The following KCNH7 variants were observed in gnomAD, a reference collection of about 807,000 sequenced individuals.
The protein encoded by KCNH7 is potassium voltage-gated channel subfamily H member 7.
In KCNH7, 49 loss-of-function variants were observed where a neutral mutation model predicts 120.8. The ratio of observed to expected loss-of-function variants is 0.41; its 90% confidence interval spans 0.32 to 0.51. The LOEUF (loss-of-function observed/expected upper bound fraction) is 0.51. Among genes scored for constraint, KCNH7 ranks in the 20% least tolerant of loss-of-function variants. KCNH7 has a pLI of 0.38. For synonymous variants in KCNH7, 547 were observed against 516.1 expected, an observed-to-expected ratio of 1.06 and a Z score of -0.81; for missense variants, 1,097 against 1,446.6, an observed-to-expected ratio of 0.76 and a Z score of 3.92.
intron 2 of KCNH7, among the ~76,000 whole-genome samples, chr2:162,600,333 T>C (rs1442933007): frequency 6.6e-6 from 1 of 152,086 alleles, no homozygotes; most frequent in Non-Finnish European, 1.5e-5. Flanking sequence ...TGATCACCAA[T>C]AGGTCCAGCA....
At chr2:162,739,741 C>A (rs1196434124) in intron 2 of KCNH7, among the ~76,000 whole-genome samples, 1 of 152,084 alleles carries the variant, frequency 6.6e-6, no homozygotes, top group African/African-American at 2.4e-5. Flanking sequence ...GGTTAGAGTC[C>A]CAGGCCCCAT....
At chr2:162,624,234 C>T (rs1683463577) in intron 2 of KCNH7, among the ~76,000 whole-genome samples, 1 of 152,140 alleles carries the variant, frequency 6.6e-6, no homozygotes, top group African/African-American at 2.4e-5. Flanking sequence ...GTCACAATGC[C>T]TACATCATTC....
chr2:162,496,024 GCTT>G (rs777572945), intron 6 of KCNH7, among the ~76,000 whole-genome samples: 2 of 152,228 alleles, frequency 1.3e-5, no homozygotes, highest in Non-Finnish European at 2.9e-5. Flanking sequence ...AACCCAAATT[GCTT>G]CTTCTTGCTA....
At chr2:162,414,419 G>A (rs1169859368) in intron 9 of KCNH7, among the ~76,000 whole-genome samples, 2 of 151,174 alleles carry the variant, frequency 1.3e-5, no homozygotes, top group Non-Finnish European at 3.0e-5. Flanking sequence ...AGTATAATAT[G>A]TAGTTATATA....
chr2:162,702,006 CAA>C lies in KCNH7; in HGVS notation c.307+134529_307+134530del, dbSNP rs11297562. Among the ~76,000 whole-genome samples, 247 of 135,974 alleles carry C rather than the reference CAA, an allele frequency of 1.8e-3. 2 individuals carry two copies. The highest frequency in any genetic ancestry group is 5.9e-3 in the African/African-American group (232 of 39,134). The allele number at this position is 135,974 out of a possible 152,430, so 89.2% of individuals were successfully genotyped here. A position where few individuals can be genotyped will look rare whatever the true frequency, so the allele number is the denominator to read the frequency against. On this transcript the variant is annotated intron_variant, in intron 2 of 15. Transcript: ENST00000332142. ...TGGGTGACAGAGTGAGACGCCATCT[CAA>C]AAAAAAAAAAGAAAAAAAACTTTCT...
intron 2 of KCNH7, among the ~76,000 whole-genome samples, chr2:162,636,456 T>C (rs1039377834): frequency 1.3e-5 from 2 of 152,122 alleles, no homozygotes; most frequent in African/African-American, 4.8e-5. Flanking sequence ...TCCTAATCCA[T>C]GCAAAATCAG....
At chr2:162,583,496 T>C (rs2105920603) in intron 2 of KCNH7, among the ~76,000 whole-genome samples, 1 of 152,182 alleles carries the variant, frequency 6.6e-6, no homozygotes, top group African/African-American at 2.4e-5. Context: ...TTATTAAGTA[T>C]AATGGTAAAG....
chr2:162,533,185 A>G (rs1340893126), intron 3 of KCNH7, among the ~76,000 whole-genome samples: 2 of 151,844 alleles, frequency 1.3e-5, no homozygotes, highest in African/African-American at 4.8e-5. Context: ...ATACCAAAAA[A>G]ACCCCGAAAC....
At chr2:162,759,648 A>C (rs141327103) in intron 2 of KCNH7, among the ~76,000 whole-genome samples, 6 of 151,828 alleles carry the variant, frequency 4.0e-5, no homozygotes, top group Non-Finnish European at 8.8e-5. Context: ...ATGAAGGAGA[A>C]AGGGAGGGAG....
intron 2 of KCNH7, among the ~76,000 whole-genome samples, chr2:162,827,501 T>C (rs1685329214): frequency 1.4e-5 from 2 of 147,476 alleles, no homozygotes; most frequent in African/African-American, 4.9e-5. Context: ...CTAGCTATCC[T>C]CATTCTACTA....
At chr2:162,663,131 C>CTTACAG (rs771305727) in intron 2 of KCNH7, among the ~76,000 whole-genome samples, 5 of 152,138 alleles carry the variant, frequency 3.3e-5, no homozygotes, top group Non-Finnish European at 7.4e-5. Context: ...GTTGTGTAGC[C>CTTACAG]ATGGGTAATT....
At chr2:162,426,190 G>C (rs1687855637) in intron 8 of KCNH7, among the ~76,000 whole-genome samples, 1 of 149,892 alleles carries the variant, frequency 6.7e-6, no homozygotes, top group Admixed American at 6.6e-5. Flanking sequence ...CTCCAGCCTG[G>C]GTGACAGAGT....
intron 2 of KCNH7, among the ~76,000 whole-genome samples, chr2:162,643,804 CAAAAAAAAA>C (rs781089376): frequency 1.5e-4 from 14 of 90,404 alleles, no homozygotes; most frequent in African/African-American, 5.7e-4. Flanking sequence ...GACTCTATCT[CAAAAAAAAA>C]AAAAAAAAAA....
At position 162,576,906 on chromosome 2, in the gene KCNH7, C is replaced by CTTTA. The variant is rs1156772925; in HGVS notation, c.308-39830_308-39827dup. 9.2e-5 allele frequency among the ~76,000 whole-genome samples: 14 copies of CTTTA among 151,578 alleles called. 1 individual carries two copies. Among genetic ancestry groups the CTTTA allele is most frequent in the South Asian group, 2.1e-4 (1 of 4,820 alleles). ...TCCTGCAATTTCTATTCTTTTTCTT[C>CTTTA]TTTATTTATTTATTTATTTATTGGA... On this transcript the variant is annotated intron_variant, in intron 2 of 15. Transcript: ENST00000332142.
chr2:162,501,386 T>C (rs908507163), intron 6 of KCNH7, among the ~76,000 whole-genome samples: 2 of 151,990 alleles, frequency 1.3e-5, no homozygotes, highest in African/African-American at 4.8e-5. Context: ...CCTCTCCAGT[T>C]GGGGTACTTT....
intron 2 of KCNH7, among the ~76,000 whole-genome samples, chr2:162,766,527 C>T (rs886741108): frequency 1.3e-5 from 2 of 152,198 alleles, no homozygotes; most frequent in Middle Eastern, 3.4e-3. Context: ...AGTTCCTCAA[C>T]AACAAAACAA....
intron 9 of KCNH7, among the ~76,000 whole-genome samples, chr2:162,418,070 A>C (rs535547732): frequency 6.6e-6 from 1 of 152,236 alleles, no homozygotes; most frequent in Middle Eastern, 3.4e-3. Context: ...ATTTTAGTAC[A>C]TTCCCAGTTT....
intron 2 of KCNH7, among the ~76,000 whole-genome samples, chr2:162,635,703 A>G (rs1683930571): frequency 6.6e-6 from 1 of 152,100 alleles, no homozygotes; most frequent in Non-Finnish European, 1.5e-5. Context: ...TTGACTTAGA[A>G]TGTTTCTCCA....
chr2:162,589,481 A>G (rs1169103025), intron 2 of KCNH7, among the ~76,000 whole-genome samples: 1 of 152,006 alleles, frequency 6.6e-6, no homozygotes, highest in Non-Finnish European at 1.5e-5. Context: ...GAGTTCCCAA[A>G]CCAGATGTTT....
Sources: gnomAD v4.1 joint callset for allele counts (sites outside exome capture counted in the v4.1 genomes callset) on GRCh38, gnomAD v4.1.1 for gene constraint, MANE v1.5 for transcripts, NCBI Gene and HGNC (gene_info 2026-07-23, HGNC 2026-07-21) for gene names.